CNTNAP5: variants seen among roughly 807,000 people sequenced by gnomAD.
The protein encoded by CNTNAP5 is contactin associated protein family member 5.
A neutral mutation model predicts 150.2 loss-of-function variants in CNTNAP5; 72 were observed. The ratio of observed to expected loss-of-function variants is 0.48; its 90% CI spans 0.40 to 0.58. The LOEUF (loss-of-function observed/expected upper bound fraction) is 0.58. Among genes scored for constraint, CNTNAP5 ranks in the 20% least tolerant of loss-of-function variants. The pLI is 0.00. For missense variants in CNTNAP5, 1,636 were observed against 1,626.2 expected, an observed-to-expected ratio of 1.01 and a Z score of -0.10; for synonymous variants, 672 against 619.8, an observed-to-expected ratio of 1.08 and a Z score of -1.25.
At chr2:124,202,632 T>C (rs186940881) in intron 1 of CNTNAP5, among the ~76,000 whole-genome samples, 1 of 152,196 alleles carries the variant, frequency 6.6e-6, no homozygotes, top group South Asian at 2.1e-4. Context: ...GACTCACAGT[T>C]ACACATGGCT....
At chr2:124,125,600 C>G (rs916943665) in intron 1 of CNTNAP5, among the ~76,000 whole-genome samples, 6 of 152,202 alleles carry the variant, frequency 3.9e-5, no homozygotes, top group South Asian at 2.1e-4. Context: ...CCCAAATCAA[C>G]AGAATACACA....
intron 1 of CNTNAP5, among the ~76,000 whole-genome samples, chr2:124,038,261 T>C (rs1033715550): frequency 1.3e-5 from 2 of 152,210 alleles, no homozygotes; most frequent in African/African-American, 4.8e-5. Context: ...AAAACCACAG[T>C]AGTAAATGCT....
intron 3 of CNTNAP5, among the ~76,000 whole-genome samples, chr2:124,408,338 G>C (rs567443503): frequency 1.3e-5 from 2 of 152,328 alleles, no homozygotes; most frequent in East Asian, 3.9e-4. Flanking sequence ...GGCTTGCTTA[G>C]GTAAACAAAG....
intron 12 of CNTNAP5, among the ~76,000 whole-genome samples, chr2:124,646,370 C>T (rs1558718293): frequency 6.6e-6 from 1 of 152,144 alleles, no homozygotes; most frequent in Non-Finnish European, 1.5e-5. Context: ...AGTGTATGTG[C>T]TCATCATTAC....
intron 8 of CNTNAP5, among the ~76,000 whole-genome samples, chr2:124,516,282 C>A (rs746498796): frequency 7.2e-5 from 11 of 152,048 alleles, no homozygotes; most frequent in Non-Finnish European, 1.5e-4. Flanking sequence ...TCATATATTG[C>A]CTACTTTATT....
chr2:124,663,905 G>T (rs767741382), intron 13 of CNTNAP5, among the ~76,000 whole-genome samples: 2 of 152,156 alleles, frequency 1.3e-5, no homozygotes, highest in Non-Finnish European at 2.9e-5. Flanking sequence ...CAATTTCTTG[G>T]CAGCTAAGAA....
intron 21 of CNTNAP5, among the ~76,000 whole-genome samples, chr2:124,896,086 G>A (rs1277502876): frequency 6.6e-6 from 1 of 151,524 alleles, no homozygotes; most frequent in African/African-American, 2.4e-5. Context: ...TCAAAATGCT[G>A]AGAATAATGA....
At chr2:124,376,955 T>C (rs1464708067) in intron 3 of CNTNAP5, among the ~76,000 whole-genome samples, 3 of 152,106 alleles carry the variant, frequency 2.0e-5, no homozygotes, top group African/African-American at 7.2e-5. Flanking sequence ...TACCTATGCA[T>C]AGGCTTCTTC....
chr2:124,269,523 G>C (rs1376071943), intron 3 of CNTNAP5, among the ~76,000 whole-genome samples: 2 of 152,136 alleles, frequency 1.3e-5, no homozygotes, highest in Non-Finnish European at 2.9e-5. Flanking sequence ...GACACTTTGT[G>C]CCTGCAATCG....
At chr2:124,628,295 A>T (rs527599956) in intron 12 of CNTNAP5, among the ~76,000 whole-genome samples, 9 of 152,320 alleles carry the variant, frequency 5.9e-5, no homozygotes, top group African/African-American at 2.2e-4. Flanking sequence ...AAGCAAAAAA[A>T]TGTTAAGAGC....
At chr2:124,632,699 G>A (rs1677889630) in intron 12 of CNTNAP5, among the ~76,000 whole-genome samples, 1 of 126,782 alleles carries the variant, frequency 7.9e-6, no homozygotes, top group African/African-American at 2.5e-5. Context: ...CATGTACCCT[G>A]TAACTTGAAA....
chr2:124,074,388 GC>G (rs1473732272), intron 1 of CNTNAP5, among the ~76,000 whole-genome samples: 2 of 152,024 alleles, frequency 1.3e-5, no homozygotes, highest in African/African-American at 4.8e-5. Context: ...TGAAGGGATG[GC>G]TGCCTCAGTT....
chr2:124,240,643 T>A (rs141265562), intron 2 of CNTNAP5, among the ~76,000 whole-genome samples: 20 of 150,334 alleles, frequency 1.3e-4, no homozygotes, highest in African/African-American at 4.6e-4. Flanking sequence ...CATTTGAATC[T>A]TCTCAGGAAT....
intron 12 of CNTNAP5, among the ~76,000 whole-genome samples, chr2:124,636,199 A>T (rs956006083): frequency 6.6e-6 from 1 of 152,192 alleles, no homozygotes; most frequent in Non-Finnish European, 1.5e-5. Flanking sequence ...TATTTGACTT[A>T]GTTGAGTTAC....
chr2:124,798,477 T>G (rs1681896163), intron 19 of CNTNAP5, among the ~76,000 whole-genome samples, 157 bp downstream of exon 19: 1 of 152,232 alleles, frequency 6.6e-6, no homozygotes, highest in Admixed American at 6.5e-5. Context: ...TCTTTACCTT[T>G]ATGAGATGCA....
intron 1 of CNTNAP5, among the ~76,000 whole-genome samples, chr2:124,168,709 G>A (rs970235015): frequency 5.3e-5 from 8 of 152,044 alleles, no homozygotes; most frequent in East Asian, 1.9e-4. Flanking sequence ...TATGTCATCC[G>A]TGATCTCAGA....
chr2:124,706,544 C>T (rs966395503), intron 13 of CNTNAP5, among the ~76,000 whole-genome samples: 32 of 151,992 alleles, frequency 2.1e-4, no homozygotes, highest in Admixed American at 1.3e-3. Context: ...GTCAGGAGTT[C>T]AAGACCAGCT....
intron 3 of CNTNAP5, among the ~76,000 whole-genome samples, chr2:124,252,315 G>C (rs1326252261): frequency 6.6e-6 from 1 of 152,176 alleles, no homozygotes; most frequent in East Asian, 1.9e-4. Context: ...GCTTTGTTTA[G>C]AGGCCCGTTC....
At chr2:124,885,863 T>C (rs1678070173) in intron 21 of CNTNAP5, among the ~76,000 whole-genome samples, 1 of 152,080 alleles carries the variant, frequency 6.6e-6, no homozygotes, top group Non-Finnish European at 1.5e-5. Context: ...AAATCTATTG[T>C]CCTTTGATGA....
Sources: gnomAD v4.1 joint callset for allele counts (sites outside exome capture counted in the v4.1 genomes callset) on GRCh38, gnomAD v4.1.1 for gene constraint, MANE v1.5 for transcripts, NCBI Gene and HGNC (gene_info 2026-07-23, HGNC 2026-07-21) for gene names.